Variants in NXPH1 observed in about 807,000 individuals in gnomAD.
NXPH1 encodes the protein neurexophilin-1.
A neutral mutation model predicts 23.7 loss-of-function variants in NXPH1; 5 were observed. That is an observed-to-expected ratio of 0.21 (90% CI 0.11 to 0.44). The LOEUF (loss-of-function observed/expected upper bound fraction) is 0.44, where lower values mean the gene tolerates loss of function less well. Ranked by LOEUF, NXPH1 falls within the 20% of genes least tolerant of loss-of-function variation. NXPH1 has a pLI of 0.99. For missense variants in NXPH1, 324 were observed against 321.6 expected, an observed-to-expected ratio of 1.01 and a Z score of -0.06; for synonymous variants, 144 against 122.2, an observed-to-expected ratio of 1.18 and a Z score of -1.18.
Position 8,501,855 on chromosome 7 carries a change from A to G in NXPH1, c.54+66088A>G, listed in dbSNP as rs77655667. ...AGTCTTACCCAAGAGTCGTGGGTAC[A>G]TCAATGAAGACGGCAATTAGAGGGT... On this transcript the variant is annotated intron_variant, in intron 2 of 2. Coordinates refer to ENST00000405863, the MANE Select transcript of NXPH1 (RefSeq NM_152745.3). Among the ~76,000 whole-genome samples, 7 of 152,244 alleles carry G rather than the reference A, an allele frequency of 4.6e-5. No homozygotes were observed. In the East Asian group the frequency reaches 1.4e-3, roughly 30 times the overall value.
chr7:8,547,191 C>T (rs778095560), intron 2 of NXPH1, among the ~76,000 whole-genome samples: 2 of 151,408 alleles, frequency 1.3e-5, no homozygotes, highest in East Asian at 2.0e-4. Context: ...ATCGCTGCCA[C>T]AGCACACAAG....
At position 8,584,567 on chromosome 7, in the gene NXPH1, A is replaced by G. The variant is rs535223168; in HGVS notation, c.54+148800A>G. On this transcript the variant is annotated intron_variant, in intron 2 of 2. Transcript: ENST00000405863. ...ACAAATACACACTCAGAGATCCAAT[A>G]CAAAATAAAGTATTAAATGGTATCA... is the stretch of plus-strand genomic sequence containing the variant. 3.9e-5 allele frequency among the ~76,000 whole-genome samples: 6 copies of G among 152,338 alleles called. No individual in the cohort carries two copies. The South Asian group carries it at 1.2e-3, about 32-fold the overall frequency.
At chr7:8,542,956 T>C (rs574803891) in intron 2 of NXPH1, among the ~76,000 whole-genome samples, 1 of 151,746 alleles carries the variant, frequency 6.6e-6, no homozygotes, top group Admixed American at 6.6e-5. Context: ...CGTAATTTTA[T>C]TTTCTCTTTG....
At chr7:8,495,904 A>G (rs1817326384) in intron 2 of NXPH1, among the ~76,000 whole-genome samples, 2 of 152,036 alleles carry the variant, frequency 1.3e-5, no homozygotes, top group Non-Finnish European at 2.9e-5. Context: ...CAAAGCATGT[A>G]TTGTGTTTCT....
chr7:8,614,838 G>A (rs1477452745), intron 2 of NXPH1, among the ~76,000 whole-genome samples: 1 of 151,964 alleles, frequency 6.6e-6, no homozygotes, highest in Non-Finnish European at 1.5e-5. Flanking sequence ...TCATTTTGTG[G>A]CAGTTATTGT....
intron 2 of NXPH1, among the ~76,000 whole-genome samples, chr7:8,570,855 G>C (rs566083232): frequency 1.6e-4 from 25 of 151,688 alleles, no homozygotes; most frequent in Non-Finnish European, 2.8e-4. Context: ...AATTTGGTAG[G>C]CAAAAGAGTC....
chr7:8,480,792 A>C (rs1817060217), intron 2 of NXPH1, among the ~76,000 whole-genome samples: 1 of 152,174 alleles, frequency 6.6e-6, no homozygotes, highest in Non-Finnish European at 1.5e-5. Context: ...GTGGAAGGCA[A>C]ACTTCCCCCT....
chr7:8,689,415 G>T (rs896588150), intron 2 of NXPH1, among the ~76,000 whole-genome samples: 1 of 152,066 alleles, frequency 6.6e-6, no homozygotes, highest in African/African-American at 2.4e-5. Context: ...CCTTGTAAAA[G>T]TATGGGCAAG....
intron 2 of NXPH1, among the ~76,000 whole-genome samples, chr7:8,648,571 G>C (rs1820433674): frequency 6.6e-6 from 1 of 152,294 alleles, no homozygotes; most frequent in African/African-American, 2.4e-5. Flanking sequence ...TCTGTTGATG[G>C]ACACTTAGGT....
chr7:8,729,754 T>C (rs932497373), intron 2 of NXPH1, among the ~76,000 whole-genome samples: 8 of 152,070 alleles, frequency 5.3e-5, no homozygotes, highest in Admixed American at 3.9e-4. Context: ...AGAGCTTTAC[T>C]TCCAAGTATG....
At chr7:8,630,028 C>T (rs1016181665) in intron 2 of NXPH1, among the ~76,000 whole-genome samples, 7 of 152,090 alleles carry the variant, frequency 4.6e-5, no homozygotes, top group Non-Finnish European at 8.8e-5. Context: ...GAACATTTTA[C>T]TCCCCCACAT....
chr7:8,664,244 C>G (rs1292899805), intron 2 of NXPH1, among the ~76,000 whole-genome samples: 1 of 151,990 alleles, frequency 6.6e-6, no homozygotes, highest in East Asian at 1.9e-4. Context: ...TAGCTTTTTC[C>G]CCTTTGTGAG....
intron 2 of NXPH1, among the ~76,000 whole-genome samples, chr7:8,525,497 A>C (rs1040800641): frequency 6.6e-6 from 1 of 152,196 alleles, no homozygotes; most frequent in Non-Finnish European, 1.5e-5. Flanking sequence ...GTTAATCCCC[A>C]AGACCATGGG....
intron 2 of NXPH1, among the ~76,000 whole-genome samples, chr7:8,723,223 T>C (rs1421786464): frequency 6.6e-6 from 1 of 152,184 alleles, no homozygotes; most frequent in African/African-American, 2.4e-5. Flanking sequence ...TTATTATTTG[T>C]CAATACAAAT....
intron 2 of NXPH1, among the ~76,000 whole-genome samples, chr7:8,719,657 A>C (rs1779933665): frequency 1.3e-5 from 2 of 152,168 alleles, no homozygotes; most frequent in South Asian, 4.1e-4. Context: ...TAAAAAAGGC[A>C]TCTGCCTTAA....
chr7:8,511,596 C>T (rs1386585827), intron 2 of NXPH1, among the ~76,000 whole-genome samples: 1 of 152,104 alleles, frequency 6.6e-6, no homozygotes, highest in African/African-American at 2.4e-5. Context: ...GAAGAAGCTG[C>T]ACATTGTACC....
intron 2 of NXPH1, among the ~76,000 whole-genome samples, chr7:8,526,634 C>T (rs1020717365): frequency 1.3e-5 from 2 of 152,314 alleles, no homozygotes; most frequent in East Asian, 1.9e-4. Flanking sequence ...CTTTTCCATG[C>T]TATTCTCATG....
chr7:8,436,685 G>C (rs1342305545), intron 2 of NXPH1, among the ~76,000 whole-genome samples: 2 of 152,210 alleles, frequency 1.3e-5, no homozygotes, highest in Non-Finnish European at 2.9e-5. Flanking sequence ...GTTGTGTTCA[G>C]TGTCCCGACC....
intron 2 of NXPH1, among the ~76,000 whole-genome samples, chr7:8,699,795 A>G (rs1779592830): frequency 6.6e-6 from 1 of 152,102 alleles, no homozygotes. Context: ...TTGTGGGGCA[A>G]TCCACAATAT....
Sources: gnomAD v4.1 joint callset for allele counts (sites outside exome capture counted in the v4.1 genomes callset) on GRCh38, gnomAD v4.1.1 for gene constraint, MANE v1.5 for transcripts, NCBI Gene and HGNC (gene_info 2026-07-23, HGNC 2026-07-21) for gene names.